The following ERC1 variants were observed in gnomAD, a reference collection of about 807,000 sequenced individuals.
ERC1 encodes the protein ELKS/RAB6-interacting/CAST family member 1, also known as RAB6 interacting protein 2.
A neutral mutation model predicts 132.0 loss-of-function variants in ERC1; 56 were observed. The observed-to-expected ratio is 0.42, with a 90% CI of 0.34 to 0.53. The LOEUF (loss-of-function observed/expected upper bound fraction) is 0.53. ERC1 is among the 20% of genes least tolerant of loss of function. The probability of loss-of-function intolerance (pLI) is 0.03; values close to 1 mark genes in which losing one functional copy is unlikely to be tolerated. For synonymous variants in ERC1, 478 were observed against 476.1 expected, an observed-to-expected ratio of 1.00 and a Z score of -0.05; for missense variants, 1,202 against 1,349.9, an observed-to-expected ratio of 0.89 and a Z score of 1.72.
At chr12:1,120,805 T>C (rs1332908531) in intron 7 of ERC1, among the ~76,000 whole-genome samples, 4 of 152,224 alleles carry the variant, frequency 2.6e-5, no homozygotes, top group South Asian at 4.2e-4. Flanking sequence ...GAAGTGGTTC[T>C]TTTTTTCGGA....
At chr12:1,097,189 G>T (rs1944143666) in intron 3 of ERC1, among the ~76,000 whole-genome samples, 1 of 152,094 alleles carries the variant, frequency 6.6e-6, no homozygotes, top group Admixed American at 6.6e-5. Context: ...TCAGTGGAAT[G>T]ACTTCTCTCC....
intron 2 of ERC1, among the ~76,000 whole-genome samples, chr12:1,039,528 A>C (rs114790017): frequency 0.014 from 2,078 of 145,574 alleles, 41 homozygotes; most frequent in African/African-American, 0.05. Flanking sequence ...AGAGTCTGTC[A>C]AAAAAAAAAA....
At chr12:1,403,096 A>C (rs555710700) in intron 16 of ERC1, among the ~76,000 whole-genome samples, 16 of 152,204 alleles carry the variant, frequency 1.1e-4, no homozygotes, top group Non-Finnish European at 1.6e-4. Context: ...AGAAAAAATT[A>C]ACAGAATAGA....
chr12:1,227,643 C>T (rs1249511533), intron 12 of ERC1, among the ~76,000 whole-genome samples: 1 of 152,110 alleles, frequency 6.6e-6, no homozygotes, highest in Non-Finnish European at 1.5e-5. Context: ...TGTGCAGAAG[C>T]CTTTTAGTTT....
chr12:1,354,472 G>A (rs369870053), intron 15 of ERC1, among the ~76,000 whole-genome samples: 18 of 151,910 alleles, frequency 1.2e-4, no homozygotes, highest in Middle Eastern at 3.4e-3. Context: ...TCAGTGAGCC[G>A]AGATTGCCCC....
intron 2 of ERC1, among the ~76,000 whole-genome samples, chr12:1,074,210 A>G (rs1211996200): frequency 6.6e-6 from 1 of 152,114 alleles, no homozygotes; most frequent in East Asian, 1.9e-4. Flanking sequence ...GACCACCATG[A>G]TACATGCAGT....
intron 15 of ERC1, among the ~76,000 whole-genome samples, chr12:1,299,478 G>A (rs1189537388): frequency 6.6e-6 from 1 of 152,258 alleles, no homozygotes; most frequent in East Asian, 1.9e-4. Context: ...GTGAAGTTTT[G>A]TGTTTCACAG....
chr12:1,109,211 G>A (rs1007683924), intron 4 of ERC1, among the ~76,000 whole-genome samples: 5 of 152,164 alleles, frequency 3.3e-5, no homozygotes, highest in Admixed American at 1.3e-4. Flanking sequence ...TCAAGAGATC[G>A]AATATGAAAT....
chr12:1,467,218 A>G (rs897445033), intron 18 of ERC1, among the ~76,000 whole-genome samples: 1 of 152,224 alleles, frequency 6.6e-6, no homozygotes, highest in Non-Finnish European at 1.5e-5. Context: ...GTGATGGGAT[A>G]TTGGATAAGG....
chr12:1,195,034 T>A (rs1175100804), intron 12 of ERC1, among the ~76,000 whole-genome samples: 7 of 152,102 alleles, frequency 4.6e-5, no homozygotes, highest in African/African-American at 1.7e-4. Flanking sequence ...TCTGATAAAG[T>A]TATTGATATA....
Position 1,245,759 on chromosome 12 carries a change from T to C in ERC1, c.2487+8855T>C, listed in dbSNP as rs187815174. 1.6e-3 allele frequency among the ~76,000 whole-genome samples: 250 copies of C among 152,334 alleles called. 1 individual carries two copies. Among genetic ancestry groups the C allele is most frequent in the Middle Eastern group, 6.8e-3 (2 of 294 alleles). On this transcript the variant is annotated intron_variant, in intron 13 of 18. Transcript: ENST00000360905. ...CTAAACACTTTTTTGTCATTTATCATGGCCTTAGATATGAATACTCTTCCT... is the reference window on the plus strand; with the variant it reads ...CTAAACACTTTTTTGTCATTTATCACGGCCTTAGATATGAATACTCTTCCT...
chr12:1,491,178 G>C lies in ERC1; in HGVS notation c.*948G>C, dbSNP rs2094315300. On this transcript the variant is annotated 3_prime_UTR_variant, in exon 19 of 19. Coordinates refer to ENST00000360905, the MANE Select transcript of ERC1 (RefSeq NM_178040.4). ...AACAGATGCCCGTTGCTCTTGGGCT[G>C]GTTTCCCCTGAACACCTCCAAGAGG... The C allele has an allele frequency of 8.6e-6, 2 of 231,720 alleles. No homozygotes were observed. The highest frequency in any genetic ancestry group is 2.2e-5 in the African/African-American group (1 of 45,240). 14.4% of individuals were successfully genotyped at this position (231,720 alleles called of 1,614,324 possible).
chr12:1,240,888 T>C (rs532090578), intron 13 of ERC1, among the ~76,000 whole-genome samples: 11 of 152,294 alleles, frequency 7.2e-5, no homozygotes, highest in African/African-American at 2.6e-4. Context: ...ATTTAAACAT[T>C]TCCATGAGTT....
intron 8 of ERC1, among the ~76,000 whole-genome samples, chr12:1,169,471 G>C (rs1250104595): frequency 6.6e-6 from 1 of 152,170 alleles, no homozygotes; most frequent in South Asian, 2.1e-4. Flanking sequence ...CGTGGCAGCT[G>C]AATCGCTCCC....
intron 2 of ERC1, among the ~76,000 whole-genome samples, chr12:1,045,419 A>G (rs1479250809): frequency 2.0e-5 from 3 of 152,126 alleles, no homozygotes; most frequent in Non-Finnish European, 2.9e-5. Flanking sequence ...ATGATAGAGA[A>G]CTAGTGAAGG....
chr12:1,057,588 T>G (rs1973219332), intron 2 of ERC1, among the ~76,000 whole-genome samples: 1 of 14,822 alleles, frequency 6.7e-5, no homozygotes, highest in African/African-American at 1.0e-4. Context: ...GCGCATGGTT[T>G]TTTTTTTTTT....
At chr12:1,068,309 A>G (rs781400047) in intron 2 of ERC1, among the ~76,000 whole-genome samples, 15 of 129,924 alleles carry the variant, frequency 1.2e-4, no homozygotes, top group Non-Finnish European at 1.9e-4. Context: ...ATCCCTACAA[A>G]ATGCCAAATA....
intron 18 of ERC1, among the ~76,000 whole-genome samples, chr12:1,470,248 G>C (rs954873778): frequency 6.6e-6 from 1 of 152,008 alleles, no homozygotes; most frequent in Non-Finnish European, 1.5e-5. Flanking sequence ...TGGACGTAGA[G>C]GGTGCATTGA....
At chr12:1,072,531 C>CAA (rs553482395) in intron 2 of ERC1, among the ~76,000 whole-genome samples, 145 of 152,186 alleles carry the variant, frequency 9.5e-4, no homozygotes, top group African/African-American at 3.1e-3. Flanking sequence ...GAGTCTCAGA[C>CAA]GCATCTTATT....
Sources: gnomAD v4.1 joint callset for allele counts (sites outside exome capture counted in the v4.1 genomes callset) on GRCh38, gnomAD v4.1.1 for gene constraint, MANE v1.5 for transcripts, NCBI Gene and HGNC (gene_info 2026-07-23, HGNC 2026-07-21) for gene names.